Variants in BCAT1 observed in about 807,000 individuals in gnomAD.
BCAT1 encodes the protein branched chain amino acid transaminase 1, also known as branched-chain-amino-acid aminotransferase, cytosolic.
In BCAT1, 48 loss-of-function variants were observed where a neutral mutation model predicts 52.4. The observed-to-expected ratio is 0.92, with a 90% CI of 0.73 to 1.16. The LOEUF (loss-of-function observed/expected upper bound fraction) is 1.16. BCAT1 is among the 50% of genes most tolerant of loss of function. The probability of loss-of-function intolerance (pLI) is 0.00; values close to 1 mark genes in which losing one functional copy is unlikely to be tolerated. For missense variants in BCAT1, 451 were observed against 457.1 expected, an observed-to-expected ratio of 0.99 and a Z score of 0.12; for synonymous variants, 167 against 161.3, an observed-to-expected ratio of 1.04 and a Z score of -0.27.
rs1939888012 is a variant in BCAT1, at chr12:24,816,684, C to A, written c.*1324G>T. The stretch of plus-strand genomic sequence containing the variant: ...GTTGGTATGATATCATGACCTCTCT[C>A]TAGAGCAGTGGTCCCCAACATTTTT... On this transcript the variant is annotated 3_prime_UTR_variant, in exon 11 of 11. Transcript: ENST00000261192. 1 of 396,820 alleles carries A rather than the reference C, an allele frequency of 2.5e-6. No homozygotes were observed. The allele number at this position is 396,820 out of a possible 1,614,324, so 24.6% of individuals were successfully genotyped here.
At chr12:24,881,695 T>C (rs1157137218) in intron 3 of BCAT1, among the ~76,000 whole-genome samples, 1 of 152,154 alleles carries the variant, frequency 6.6e-6, no homozygotes, top group Non-Finnish European at 1.5e-5. Flanking sequence ...TTAGGTGTTA[T>C]TTAAGGGAGC....
At chr12:24,866,108 T>C (rs906875941) in intron 5 of BCAT1, among the ~76,000 whole-genome samples, 1 of 152,192 alleles carries the variant, frequency 6.6e-6, no homozygotes, top group Non-Finnish European at 1.5e-5. Flanking sequence ...GGGCTGCGCA[T>C]GGTGCTTGTG....
At chr12:24,852,508 A>C (rs1409310920) in intron 5 of BCAT1, among the ~76,000 whole-genome samples, 1 of 152,228 alleles carries the variant, frequency 6.6e-6, no homozygotes, top group Non-Finnish European at 1.5e-5. Flanking sequence ...TACTAAAAGA[A>C]GTAACAATAA....
chr12:24,942,597 A>G (rs1943866187), intron 1 of BCAT1, among the ~76,000 whole-genome samples: 1 of 151,908 alleles, frequency 6.6e-6, no homozygotes, highest in African/African-American at 2.4e-5. Flanking sequence ...CCCTTGTTAC[A>G]ATCAGCTGTG....
chr12:24,939,188 T>C (rs12831941), intron 1 of BCAT1, among the ~76,000 whole-genome samples: 301 of 152,310 alleles, frequency 2.0e-3, no homozygotes, highest in Middle Eastern at 0.01. Context: ...TTGCTTTTTA[T>C]GTATATCTCC....
chr12:24,902,902 G>T (rs1405183661), intron 1 of BCAT1: 2 of 1,514,968 alleles, frequency 1.3e-6, no homozygotes, highest in African/African-American at 2.9e-5. Flanking sequence ...CCGAGACCCG[G>T]GTTCCAATCC....
intron 8 of BCAT1, 138 bp from the exon 9 acceptor site, chr12:24,833,001 T>G: frequency 1.1e-6 from 1 of 909,876 alleles, no homozygotes; most frequent in Non-Finnish European, 1.6e-6. Context: ...AAGCTGGAAG[T>G]GGCACACCAT....
At chr12:24,912,434 G>GT (rs1943342174) in intron 1 of BCAT1, among the ~76,000 whole-genome samples, 1 of 152,054 alleles carries the variant, frequency 6.6e-6, no homozygotes, top group Non-Finnish European at 1.5e-5. Context: ...GCAGGAGAAT[G>GT]GCGTGAACCA....
rs1006449735 is a variant in BCAT1 at position 24,828,836 on chromosome 12, T to C, written c.1119+987A>G. ...GCCTGGCCAACAGGGCAAAACCTCA[T>C]CTCTACTAAAAATACAAAAATTAGC... On this transcript the variant is annotated intron_variant, in intron 10 of 10. Transcript: ENST00000261192. Among the ~76,000 whole-genome samples the C allele has an allele frequency of 2.0e-5, 3 of 151,474 alleles. No homozygotes were observed. In the East Asian group the frequency reaches 5.8e-4, roughly 29 times the overall value.
chr12:24,916,714 T>A (rs1943415251), intron 1 of BCAT1, among the ~76,000 whole-genome samples: 1 of 152,128 alleles, frequency 6.6e-6, no homozygotes, highest in Non-Finnish European at 1.5e-5. Context: ...TTAATCTTTG[T>A]AGTTTTAGTA....
intron 9 of BCAT1, 134 bp downstream of exon 9, chr12:24,832,589 A>G: frequency 9.0e-7 from 1 of 1,109,998 alleles, no homozygotes; most frequent in Non-Finnish European, 1.3e-6. Flanking sequence ...TCTTTAAAAT[A>G]AAGAAAAACA....
At chr12:24,825,819 T>C (rs1291633362) in intron 10 of BCAT1, among the ~76,000 whole-genome samples, 1 of 152,224 alleles carries the variant, frequency 6.6e-6, no homozygotes, top group East Asian at 1.9e-4. Flanking sequence ...ATTCCCTTTG[T>C]GGATTGTTTT....
intron 5 of BCAT1, among the ~76,000 whole-genome samples, chr12:24,852,502 A>G (rs1001970326): frequency 6.6e-6 from 1 of 152,222 alleles, no homozygotes; most frequent in Non-Finnish European, 1.5e-5. Flanking sequence ...ACATTATACT[A>G]AAAGAAGTAA....
At chr12:24,839,627 T>C (rs1941112733) in intron 7 of BCAT1, among the ~76,000 whole-genome samples, 1 of 152,230 alleles carries the variant, frequency 6.6e-6, no homozygotes, top group Non-Finnish European at 1.5e-5. Flanking sequence ...ACATAGTGAC[T>C]GTGCACAGCA....
At position 24,810,856 on chromosome 12, in the gene BCAT1, C is replaced by T. The variant is rs192377629; in HGVS notation, c.*7152G>A. The T allele has an allele frequency of 2.0e-5, 3 of 152,250 alleles. No homozygotes were observed. In the East Asian group the frequency reaches 5.8e-4, roughly 29 times the overall value. The allele number at this position is 152,250 out of a possible 1,614,324, so 9.4% of individuals were successfully genotyped here. ...GTAATTCTGCACTTGGCTTTGTTCT[C>T]CCTTGGTGCTTTTGAGGACAATTTC... On this transcript the variant is annotated 3_prime_UTR_variant, in exon 11 of 11. Transcript: ENST00000261192.
chr12:24,837,043 G>A (rs374284738), intron 7 of BCAT1, among the ~76,000 whole-genome samples: 19,481 of 87,714 alleles, frequency 0.22, 2,924 homozygotes, highest in Middle Eastern at 0.37. Flanking sequence ...AAAGAAAAAA[G>A]AAAAGAAAAG....
At chr12:24,883,533 G>C (rs1942564793) in intron 3 of BCAT1, among the ~76,000 whole-genome samples, 1 of 152,126 alleles carries the variant, frequency 6.6e-6, no homozygotes, top group Non-Finnish European at 1.5e-5. Context: ...GTCAGGAATT[G>C]GAAGCTGCAG....
chr12:24,879,318 A>G lies in BCAT1; in HGVS notation c.391-669T>C, dbSNP rs1942431018. Among the ~76,000 whole-genome samples, 6 of 152,366 alleles carry G rather than the reference A, an allele frequency of 3.9e-5. No individual in the cohort carries two copies. The South Asian group carries it at 1.0e-3, about 26-fold the overall frequency. On this transcript the variant is annotated intron_variant, in intron 4 of 10. Transcript: ENST00000261192. ...ATATATTTGGATATCCCCAAAGTCA[A>G]TGAAGAGATAGATAACCCAATAGGA... is the stretch of plus-strand genomic sequence containing the variant.
At chr12:24,923,984 C>T (rs956123027) in intron 1 of BCAT1, among the ~76,000 whole-genome samples, 1 of 152,134 alleles carries the variant, frequency 6.6e-6, no homozygotes, top group South Asian at 2.1e-4. Flanking sequence ...CAAAACAAAA[C>T]AATACAAGTT....
Sources: allele counts gnomAD v4.1 joint callset (sites outside exome capture counted in the v4.1 genomes callset), GRCh38; gene constraint gnomAD v4.1.1; transcripts MANE v1.5; gene names NCBI Gene and HGNC (gene_info 2026-07-23, HGNC 2026-07-21).